Variants in GRIP1 observed in about 807,000 individuals in gnomAD.
GRIP1 encodes glutamate receptor interacting protein 1, also known as glutamate receptor-interacting protein 1.
In GRIP1, 45 loss-of-function variants were observed where a neutral mutation model predicts 129.9. The observed-to-expected ratio is 0.35, with a 90% CI of 0.27 to 0.44. GRIP1 has a LOEUF of 0.44. GRIP1 is among the 20% of genes least tolerant of loss of function. The pLI is 1.00. For synonymous variants in GRIP1, 530 were observed against 520.8 expected (o/e 1.02, Z -0.24); for missense variants, 1,196 against 1,396.8 (o/e 0.86, Z 2.29).
chr12:66,513,966 G>A (rs2060773546), intron 7 of GRIP1, among the ~76,000 whole-genome samples: 1 of 152,146 alleles, frequency 6.6e-6, no homozygotes, highest in Non-Finnish European at 1.5e-5. Flanking sequence ...TTCAGTCTGG[G>A]AGCTGGTTCC....
chr12:66,841,415 AAGAG>A (rs967978386), intron 1 of GRIP1, among the ~76,000 whole-genome samples: 9 of 152,256 alleles, frequency 5.9e-5, no homozygotes, highest in South Asian at 4.1e-4. Context: ...TTTCTATAAA[AAGAG>A]AGAGAGAGAT....
At chr12:67,035,328 G>A (rs2043079356) in intron 1 of GRIP1, among the ~76,000 whole-genome samples, 1 of 152,156 alleles carries the variant, frequency 6.6e-6, no homozygotes, top group Non-Finnish European at 1.5e-5. Flanking sequence ...AGCAGGGTGT[G>A]CATGGGGGAG....
intron 1 of GRIP1, among the ~76,000 whole-genome samples, chr12:66,632,099 GA>G (rs150285271): frequency 0.021 from 3,257 of 152,258 alleles, 118 homozygotes; most frequent in African/African-American, 0.074. Context: ...TGTAGGTGTA[GA>G]AACTTGCATT....
chr12:66,809,431 T>G (rs992944968), intron 1 of GRIP1, among the ~76,000 whole-genome samples: 1 of 152,200 alleles, frequency 6.6e-6, no homozygotes, highest in Non-Finnish European at 1.5e-5. Flanking sequence ...TCATAGCATC[T>G]GCACGCAATG....
chr12:66,527,849 G>A (rs2139072002), intron 5 of GRIP1, among the ~76,000 whole-genome samples: 1 of 152,114 alleles, frequency 6.6e-6, no homozygotes, highest in Non-Finnish European at 1.5e-5. Flanking sequence ...GATGAGGATT[G>A]AAAAACTGAT....
intron 1 of GRIP1, among the ~76,000 whole-genome samples, chr12:66,790,507 T>C (rs1261665638): frequency 6.6e-6 from 1 of 152,116 alleles, no homozygotes; most frequent in African/African-American, 2.4e-5. Flanking sequence ...TAAACATTTA[T>C]TAAGCTCTAA....
At chr12:66,769,060 G>A (rs1340885315) in intron 1 of GRIP1, among the ~76,000 whole-genome samples, 1 of 152,138 alleles carries the variant, frequency 6.6e-6, no homozygotes, top group African/African-American at 2.4e-5. Flanking sequence ...GAGCTCTGTT[G>A]AAGAGCAGCT....
chr12:66,915,904 A>G, intron 1 of GRIP1, among the ~76,000 whole-genome samples: 2 of 152,204 alleles, frequency 1.3e-5, no homozygotes, highest in Non-Finnish European at 2.9e-5. Context: ...GCAAAGGGAG[A>G]GGAAGTGCAT....
chr12:66,944,195 C>G (rs1260043544), intron 1 of GRIP1, among the ~76,000 whole-genome samples: 1 of 152,054 alleles, frequency 6.6e-6, no homozygotes, highest in African/African-American at 2.4e-5. Context: ...TCTCATTTAC[C>G]CTTCAGGCTT....
At chr12:66,612,118 G>C (rs891781963) in intron 1 of GRIP1, among the ~76,000 whole-genome samples, 1 of 151,890 alleles carries the variant, frequency 6.6e-6, no homozygotes, top group Non-Finnish European at 1.5e-5. Flanking sequence ...TAATGACCTT[G>C]GTCTACAGCA....
At chr12:66,668,736 A>AACATAGGG (rs1449962116) in intron 1 of GRIP1, among the ~76,000 whole-genome samples, 2 of 152,072 alleles carry the variant, frequency 1.3e-5, no homozygotes, top group Non-Finnish European at 2.9e-5. Context: ...AGCCTGGGCA[A>AACATAGGG]ACATAGGGAC....
intron 1 of GRIP1, among the ~76,000 whole-genome samples, chr12:66,693,457 C>A (rs1406971739): frequency 6.6e-6 from 1 of 152,122 alleles, no homozygotes; most frequent in African/African-American, 2.4e-5. Flanking sequence ...TCACCCCAGT[C>A]CCCACTAGGG....
At chr12:66,641,276 C>T (rs2031898990) in intron 1 of GRIP1, among the ~76,000 whole-genome samples, 1 of 152,214 alleles carries the variant, frequency 6.6e-6, no homozygotes, top group South Asian at 2.1e-4. Context: ...TGCACAGGTG[C>T]TACCACTAAC....
chr12:66,872,772 T>C (rs1234605809), intron 1 of GRIP1, among the ~76,000 whole-genome samples: 1 of 152,088 alleles, frequency 6.6e-6, no homozygotes, highest in African/African-American at 2.4e-5. Flanking sequence ...GTCATTAAAA[T>C]GTCAAGTTTA....
intron 1 of GRIP1, among the ~76,000 whole-genome samples, chr12:66,935,932 C>A (rs1201479225): frequency 6.6e-6 from 1 of 152,198 alleles, no homozygotes; most frequent in Non-Finnish European, 1.5e-5. Context: ...AGATAGGTTA[C>A]AGTTCATCCA....
chr12:66,554,993 C>T (rs972391092), intron 2 of GRIP1, among the ~76,000 whole-genome samples: 1 of 152,202 alleles, frequency 6.6e-6, no homozygotes, highest in African/African-American at 2.4e-5. Flanking sequence ...GAACTCTTCA[C>T]CCTGAAGGAT....
chr12:66,977,486 C>T (rs2042171020), intron 1 of GRIP1, among the ~76,000 whole-genome samples: 3 of 152,122 alleles, frequency 2.0e-5, no homozygotes, highest in African/African-American at 7.2e-5. Flanking sequence ...ACAAAATGAA[C>T]ACACTCAAGT....
chr12:66,373,466 C>A (rs898165834), intron 22 of GRIP1, among the ~76,000 whole-genome samples: 3 of 152,152 alleles, frequency 2.0e-5, no homozygotes, highest in African/African-American at 7.2e-5. Flanking sequence ...AGTAAATGAG[C>A]CGAGGGCACT....
intron 19 of GRIP1, among the ~76,000 whole-genome samples, chr12:66,389,822 G>A (rs759565183): frequency 1.2e-4 from 19 of 152,128 alleles, no homozygotes; most frequent in Non-Finnish European, 2.4e-4. Context: ...CGGGTACACA[G>A]GTAAACTGAA....
Sources: allele counts gnomAD v4.1 joint callset (sites outside exome capture counted in the v4.1 genomes callset), GRCh38; gene constraint gnomAD v4.1.1; transcripts MANE v1.5; gene names NCBI Gene and HGNC (gene_info 2026-07-23, HGNC 2026-07-21).